CYRIA: variants seen among roughly 807,000 people sequenced by gnomAD.
CYRIA encodes the protein CYFIP related Rac1 interactor A.
A neutral mutation model predicts 43.9 loss-of-function variants in CYRIA; 15 were observed. The ratio of observed to expected loss-of-function variants is 0.34; its 90% CI spans 0.23 to 0.53. The LOEUF (loss-of-function observed/expected upper bound fraction) is 0.53, where lower values mean the gene tolerates loss of function less well. Among genes scored for constraint, CYRIA ranks in the 20% least tolerant of loss-of-function variants. The pLI, the probability that CYRIA is intolerant of heterozygous loss-of-function variation, is 0.94. For missense variants in CYRIA, 236 were observed against 394.2 expected (o/e 0.60, Z 3.40); for synonymous variants, 117 against 136.0 (o/e 0.86, Z 0.97).
At chr2:16,558,853 G>T (rs1209238512) in intron 10 of CYRIA, among the ~76,000 whole-genome samples, 1 of 152,110 alleles carries the variant, frequency 6.6e-6, no homozygotes, top group African/African-American at 2.4e-5. Flanking sequence ...CTGGCGACCA[G>T]AGAAGCAAGA....
chr2:16,591,329 C>T (rs984387112), intron 2 of CYRIA, among the ~76,000 whole-genome samples: 3 of 152,212 alleles, frequency 2.0e-5, no homozygotes, highest in East Asian at 3.9e-4. Context: ...TTGGAGATGG[C>T]TTATCGTCTG....
In CYRIA at chr2:16,552,721, G is replaced by C; in HGVS notation, c.*215C>G. The C allele has an allele frequency of 2.0e-6, 1 of 488,756 alleles. No homozygotes were observed. The highest frequency in any genetic ancestry group is 3.4e-5 in the South Asian group (1 of 29,614). The allele number at this position is 488,756 out of a possible 1,614,324, so 30.3% of individuals were successfully genotyped here. A position where few individuals can be genotyped will look rare whatever the true frequency, so the allele number is the denominator to read the frequency against. ...CTCCGAATTTTGCCTTTGGAGAAGG[G>C]GGTTTCATTTCAGACATCAAAGGTA... is the stretch of plus-strand genomic sequence containing the variant. On this transcript the variant is annotated 3_prime_UTR_variant, in exon 12 of 12. Coordinates refer to ENST00000381323, the MANE Select transcript of CYRIA (RefSeq NM_030797.4).
At chr2:16,624,796 T>A (rs981457039) in intron 1 of CYRIA, among the ~76,000 whole-genome samples, 1 of 152,226 alleles carries the variant, frequency 6.6e-6, no homozygotes, top group Non-Finnish European at 1.5e-5. Context: ...AGCAAATATC[T>A]GTCAGGCATA....
At chr2:16,614,851 T>C (rs940483881) in intron 2 of CYRIA, among the ~76,000 whole-genome samples, 6 of 152,188 alleles carry the variant, frequency 3.9e-5, no homozygotes, top group African/African-American at 1.4e-4. Flanking sequence ...GATGCCAAGC[T>C]CTTTGCTGGC....
At chr2:16,648,332 A>G (rs923966418) in intron 1 of CYRIA, among the ~76,000 whole-genome samples, 1 of 149,334 alleles carries the variant, frequency 6.7e-6, no homozygotes, top group Non-Finnish European at 1.5e-5. Context: ...AACAGCAAAA[A>G]AAAAAAAAAA....
intron 1 of CYRIA, among the ~76,000 whole-genome samples, chr2:16,659,034 G>T (rs117061669): frequency 6.6e-6 from 1 of 152,318 alleles, no homozygotes; most frequent in East Asian, 1.9e-4. Context: ...CTCCGTGGAG[G>T]TGGGCTGAGC....
chr2:16,613,900 C>T (rs1043767574), intron 2 of CYRIA, among the ~76,000 whole-genome samples: 34 of 152,302 alleles, frequency 2.2e-4, no homozygotes, highest in African/African-American at 5.1e-4. Context: ...TGCCAGAAAA[C>T]GGGGCTATGA....
intron 1 of CYRIA, among the ~76,000 whole-genome samples, chr2:16,644,264 C>T (rs1037926713): frequency 1.3e-5 from 2 of 152,182 alleles, no homozygotes; most frequent in Non-Finnish European, 2.9e-5. Flanking sequence ...CCTGGTTTGA[C>T]CCCAGGTAGA....
intron 3 of CYRIA, among the ~76,000 whole-genome samples, chr2:16,567,469 G>C (rs1448953245): frequency 6.6e-6 from 1 of 152,110 alleles, no homozygotes; most frequent in Admixed American, 6.6e-5. Flanking sequence ...CACAAGATAA[G>C]TGACGGCGAA....
intron 10 of CYRIA, among the ~76,000 whole-genome samples, chr2:16,555,797 G>A (rs746282346): frequency 6.6e-5 from 10 of 152,112 alleles, no homozygotes; most frequent in Non-Finnish European, 1.5e-4. Context: ...TAGACCAGGA[G>A]CTCCTGGAGG....
chr2:16,555,190 G>A (rs778615007), intron 10 of CYRIA, 51 bp from the exon 11 acceptor site: 92 of 1,462,538 alleles, frequency 6.3e-5, no homozygotes, highest in Non-Finnish European at 8.5e-5. Flanking sequence ...TACTGTCTAT[G>A]CCAATATCTA....
intron 1 of CYRIA, among the ~76,000 whole-genome samples, chr2:16,624,855 A>C (rs937378484): frequency 6.6e-6 from 1 of 152,240 alleles, no homozygotes; most frequent in South Asian, 2.1e-4. Flanking sequence ...TCCTCAAAAA[A>C]TCCCAGTGAG....
chr2:16,658,420 T>A (rs1008384219), intron 1 of CYRIA, among the ~76,000 whole-genome samples: 3 of 152,222 alleles, frequency 2.0e-5, no homozygotes, highest in Admixed American at 1.3e-4. Flanking sequence ...ATTCACATAT[T>A]CCTCACAATA....
chr2:16,618,352 C>A (rs1668875289), intron 2 of CYRIA, among the ~76,000 whole-genome samples: 2 of 152,156 alleles, frequency 1.3e-5, no homozygotes, highest in South Asian at 2.1e-4. Context: ...GCTCACTCCC[C>A]CTGGGTGCAG....
chr2:16,663,828 C>T (rs968626685), intron 1 of CYRIA, among the ~76,000 whole-genome samples: 47 of 152,152 alleles, frequency 3.1e-4, no homozygotes, highest in Non-Finnish European at 4.4e-4. Flanking sequence ...TTCTAAAGAG[C>T]CTCCTATAGT....
At chr2:16,569,004 C>G (rs889965717) in intron 3 of CYRIA, among the ~76,000 whole-genome samples, 1 of 151,976 alleles carries the variant, frequency 6.6e-6, no homozygotes, top group Admixed American at 6.6e-5. Context: ...AAAATAGAGG[C>G]CTCTCTTAAC....
chr2:16,570,030 G>A (rs1667071952), intron 3 of CYRIA, among the ~76,000 whole-genome samples: 2 of 152,112 alleles, frequency 1.3e-5, no homozygotes. Flanking sequence ...CAATAAAAGT[G>A]TGATGAATCA....
rs545366593 is a variant in CYRIA, at chr2:16,593,057, T to C, written c.-10-4928A>G. ...TAATAGTATCTCCTGCATGGAACTC[T>C]TGTCAGGACTAAATGAACTGAGTGT... is the stretch of plus-strand genomic sequence containing the variant. On this transcript the variant is annotated intron_variant, in intron 2 of 11. Transcript: ENST00000381323. 3.4e-4 allele frequency among the ~76,000 whole-genome samples: 52 copies of C among 152,316 alleles called. 1 individual carries two copies. Among genetic ancestry groups the C allele is most frequent in the Admixed American group, 2.3e-3 (35 of 15,304 alleles).
At chr2:16,635,853 C>T (rs1669480090) in intron 1 of CYRIA, among the ~76,000 whole-genome samples, 1 of 152,228 alleles carries the variant, frequency 6.6e-6, no homozygotes, top group African/African-American at 2.4e-5. Context: ...GGCAACCTTG[C>T]TTTCGACACA....
Sources: allele counts gnomAD v4.1 joint callset (sites outside exome capture counted in the v4.1 genomes callset), GRCh38; gene constraint gnomAD v4.1.1; transcripts MANE v1.5; gene names NCBI Gene and HGNC (gene_info 2026-07-23, HGNC 2026-07-21).